SRGAP2B: variants seen among roughly 807,000 people sequenced by gnomAD.
SRGAP2B encodes SLIT-ROBO Rho GTPase-activating protein 2B.
SRGAP2B carries 9 observed loss-of-function variants against 22.2 expected under a neutral mutation model. That is an observed-to-expected ratio of 0.41 (90% CI 0.24 to 0.71). The LOEUF (loss-of-function observed/expected upper bound fraction) is 0.71, where lower values mean the gene tolerates loss of function less well. Ranked by LOEUF, SRGAP2B falls within the 30% of genes least tolerant of loss-of-function variation. The pLI is 0.35. For synonymous variants in SRGAP2B, 36 were observed against 87.4 expected (o/e 0.41, Z 3.28); for missense variants, 114 against 235.8 (o/e 0.48, Z 3.38).
chr1:144,940,355 C>T (rs1363360683), intron 4 of SRGAP2B, among the ~76,000 whole-genome samples: 2 of 135,932 alleles, frequency 1.5e-5, no homozygotes, highest in Admixed American at 7.4e-5. Flanking sequence ...GGGAAAAACC[C>T]TCTCTCCTTA....
chr1:145,045,110 G>A (rs1468464241), intron 2 of SRGAP2B, among the ~76,000 whole-genome samples: 1 of 135,076 alleles, frequency 7.4e-6, no homozygotes, highest in East Asian at 2.1e-4. Context: ...GTGAAACCCC[G>A]TCTCTGCTAA....
In SRGAP2B at chr1:144,999,221, T is replaced by C. The variant is rs1670944216; in HGVS notation, c.68-4021A>G. Among the ~76,000 whole-genome samples, 3 of 150,560 alleles carry C rather than the reference T, an allele frequency of 2.0e-5. No individual in the cohort carries two copies. The South Asian group carries it at 6.3e-4, about 31-fold the overall frequency. On this transcript the variant is annotated intron_variant, in intron 2 of 9. Transcript: ENST00000612199. Reference sequence around the variant, plus strand: ...GGAGCTATGGAGATGGTGGGGTCCTTGCCAGTTCCTTCCCTAGAAATACAT... The same window carrying C: ...GGAGCTATGGAGATGGTGGGGTCCTCGCCAGTTCCTTCCCTAGAAATACAT...
rs587726582 is a variant in SRGAP2B, at chr1:144,965,262, A to C, written c.261-9661T>G. ...TTTCCATCTGAGCTTTGAAGAGAGC[A>C]GTGGTTCTCCCAGCACGCAGCTGGA... On this transcript the variant is annotated intron_variant, in intron 3 of 9. Coordinates refer to ENST00000612199, the Ensembl canonical transcript of SRGAP2B. The C allele has an allele frequency of 1.0e-5, 5 of 490,262 alleles. No individual in the cohort carries two copies. In the Admixed American group the frequency reaches 1.3e-4, roughly 13 times the overall value. The allele number at this position is 490,262 out of a possible 1,614,324, so 30.4% of individuals were successfully genotyped here. A position where few individuals can be genotyped will look rare whatever the true frequency, so the allele number is the denominator to read the frequency against.
At chr1:145,009,369 A>G (rs1671866375) in intron 2 of SRGAP2B, among the ~76,000 whole-genome samples, 1 of 149,682 alleles carries the variant, frequency 6.7e-6, no homozygotes. Context: ...CGGGCGGATC[A>G]CGAGGTCAGG....
chr1:144,994,064 C>T (rs4564163), intron 3 of SRGAP2B, among the ~76,000 whole-genome samples: 4 of 148,066 alleles, frequency 2.7e-5, no homozygotes, highest in African/African-American at 1.0e-4. Context: ...CCCAGGGAGA[C>T]CAAAAGATTG....
At position 145,068,893 on chromosome 1, in the gene SRGAP2B, ATGTGTGTGTGTGTGTGTGTG is replaced by A. The variant is rs797031320; in HGVS notation, c.67+23922_67+23941del. Reference sequence around the variant, plus strand: ...TCTGGGAGATCCTAAATAAGGTAAAATGTGTGTGTGTGTGTGTGTGTGTGTGTGTGTGTGTGTGTGTGTGT... The same window carrying A: ...TCTGGGAGATCCTAAATAAGGTAAAATGTGTGTGTGTGTGTGTGTGTGTGT... On this transcript the variant is annotated intron_variant, in intron 2 of 9. Coordinates refer to ENST00000612199, the Ensembl canonical transcript of SRGAP2B. 4.9e-3 allele frequency among the ~76,000 whole-genome samples: 531 copies of A among 109,070 alleles called. 3 individuals carry two copies. The highest frequency in any genetic ancestry group is 0.013 in the African/African-American group (349 of 27,750). The allele number at this position is 109,070 out of a possible 152,430, so 71.6% of individuals were successfully genotyped here. A position where few individuals can be genotyped will look rare whatever the true frequency, so the allele number is the denominator to read the frequency against.
At chr1:145,066,700 C>T (rs1344094085) in intron 2 of SRGAP2B, among the ~76,000 whole-genome samples, 7 of 151,812 alleles carry the variant, frequency 4.6e-5, no homozygotes, top group Admixed American at 6.6e-5. Flanking sequence ...CCCGGGAGCA[C>T]AGACGCTGAA....
intron 2 of SRGAP2B, among the ~76,000 whole-genome samples, chr1:145,075,838 A>T (rs1275970838): frequency 6.7e-6 from 1 of 149,422 alleles, no homozygotes. Context: ...CTGTAATCCC[A>T]GCACTTTGGG....
chr1:145,016,837 C>T (rs1191906314), intron 2 of SRGAP2B, among the ~76,000 whole-genome samples: 1 of 149,924 alleles, frequency 6.7e-6, no homozygotes, highest in Non-Finnish European at 1.5e-5. Flanking sequence ...AAGAAAAGCA[C>T]TCAAGTTTTT....
At chr1:144,926,996 C>A (rs1325911581) in intron 4 of SRGAP2B, among the ~76,000 whole-genome samples, 2 of 151,804 alleles carry the variant, frequency 1.3e-5, no homozygotes, top group Non-Finnish European at 2.9e-5. Flanking sequence ...GTTGCCCAGG[C>A]TGGAGTGTAG....
chr1:145,034,256 CT>C (rs1648529417), intron 2 of SRGAP2B, among the ~76,000 whole-genome samples: 1 of 83,060 alleles, frequency 1.2e-5, no homozygotes, highest in African/African-American at 4.5e-5. Context: ...CCAAGTAACA[CT>C]TTTCTCATTT....
intron 2 of SRGAP2B, among the ~76,000 whole-genome samples, chr1:145,082,064 A>G (rs1244939939): frequency 7.1e-6 from 1 of 141,516 alleles, no homozygotes; most frequent in Non-Finnish European, 1.5e-5. Flanking sequence ...AAACAAACAA[A>G]CAAACAAACA....
At chr1:144,933,270 G>A (rs1228695015) in intron 4 of SRGAP2B, among the ~76,000 whole-genome samples, 1 of 148,730 alleles carries the variant, frequency 6.7e-6, no homozygotes, top group Non-Finnish European at 1.5e-5. Context: ...CCTCCCGCCT[G>A]GGACATGTAA....
intron 2 of SRGAP2B, among the ~76,000 whole-genome samples, chr1:145,061,529 C>T (rs1650902703): frequency 2.0e-5 from 3 of 146,494 alleles, no homozygotes. Flanking sequence ...TTGAAAGATC[C>T]ACACTTTAAG....
intron 4 of SRGAP2B, among the ~76,000 whole-genome samples, chr1:144,925,797 A>AAGGAAG (rs1664691851): frequency 1.4e-5 from 1 of 70,732 alleles, no homozygotes; most frequent in South Asian, 3.9e-4. Flanking sequence ...GAAAGAAAGG[A>AAGGAAG]GAGAGAAAGA....
intron 3 of SRGAP2B, among the ~76,000 whole-genome samples, chr1:144,978,520 CT>C (rs1553614497): frequency 6.9e-6 from 1 of 144,436 alleles, no homozygotes; most frequent in Non-Finnish European, 1.5e-5. Flanking sequence ...TGGTGCGCAC[CT>C]GTAATCCCAG....
Position 145,089,039 on chromosome 1 carries a change from G to A in SRGAP2B, c.67+3796C>T, listed in dbSNP as rs587662797. ...TAGGTATTATAAGTAATCTAGAGAT[G>A]ATTTAAAGTATACAGAAGGATGTGT... is the stretch of plus-strand genomic sequence containing the variant. On this transcript the variant is annotated intron_variant, in intron 2 of 9. Transcript: ENST00000612199. Among the ~76,000 whole-genome samples the A allele has an allele frequency of 3.3e-5, 5 of 151,364 alleles. No individual in the cohort carries two copies. The East Asian group carries it at 9.7e-4, about 29-fold the overall frequency.
Position 144,989,082 on chromosome 1 carries a change from C to T in SRGAP2B, c.260+5926G>A, listed in dbSNP as rs1351222222. On this transcript the variant is annotated intron_variant, in intron 3 of 9. Transcript: ENST00000612199. The stretch of plus-strand genomic sequence containing the variant: ...CTTCATCCTGGCCTTCTGTTTTCCT[C>T]GTGTCTCTCTCCCCACCTAAGAACC... Among the ~76,000 whole-genome samples the T allele has an allele frequency of 1.8e-5, 2 of 112,522 alleles. 1 individual carries two copies. Among genetic ancestry groups the T allele is most frequent in the Non-Finnish European group, 3.3e-5 (2 of 60,596 alleles). The allele number at this position is 112,522 out of a possible 152,430, so 73.8% of individuals were successfully genotyped here. A position where few individuals can be genotyped will look rare whatever the true frequency, so the allele number is the denominator to read the frequency against.
intron 2 of SRGAP2B, among the ~76,000 whole-genome samples, chr1:144,999,996 T>C (rs1553619393): frequency 6.7e-6 from 1 of 150,206 alleles, no homozygotes; most frequent in Admixed American, 6.6e-5. Flanking sequence ...CCCCACCACA[T>C]AGCATATTCT....
Sources: gnomAD v4.1 joint callset for allele counts (sites outside exome capture counted in the v4.1 genomes callset) on GRCh38, gnomAD v4.1.1 for gene constraint, MANE v1.5 for transcripts, NCBI Gene and HGNC (gene_info 2026-07-23, HGNC 2026-07-21) for gene names.